The following USP24 variants were observed in gnomAD, a reference collection of about 807,000 sequenced individuals.
USP24 encodes the protein ubiquitin specific peptidase 24, also known as ubiquitin carboxyl-terminal hydrolase 24.
In USP24, 97 loss-of-function variants were observed where a neutral mutation model predicts 361.6. The ratio of observed to expected loss-of-function variants is 0.27; its 90% CI spans 0.23 to 0.32. USP24 has a LOEUF of 0.32. USP24 is among the 10% of genes least tolerant of loss of function. The probability of loss-of-function intolerance (pLI) is 1.00; values close to 1 mark genes in which losing one functional copy is unlikely to be tolerated. For synonymous variants in USP24, 1,098 were observed against 1,124.6 expected (o/e 0.98, Z 0.47); for missense variants, 2,353 against 3,165.6 (o/e 0.74, Z 6.16).
intron 1 of USP24, among the ~76,000 whole-genome samples, chr1:55,188,208 A>G (rs1014494659): frequency 1.3e-5 from 2 of 152,176 alleles, no homozygotes; most frequent in African/African-American, 4.8e-5. Flanking sequence ...GAGACAACTG[A>G]ATATACACAA....
At position 55,067,467 on chromosome 1, in the gene USP24, G is replaced by A. The variant is rs1296740453; in HGVS notation, c.*1578C>T. 1 of 152,260 alleles carries A rather than the reference G, an allele frequency of 6.6e-6. No individual in the cohort carries two copies. The highest frequency in any genetic ancestry group is 2.4e-5 in the African/African-American group (1 of 41,430). The allele number at this position is 152,260 out of a possible 1,614,324, so 9.4% of individuals were successfully genotyped here. On this transcript the variant is annotated 3_prime_UTR_variant, in exon 68 of 68. Coordinates refer to ENST00000294383, the MANE Select transcript of USP24 (RefSeq NM_015306.3). ...CCATCTTCTCAGTGTGTTTGACAAA[G>A]GCCACTGCCAACCTCCAGCAAGTCA...
chr1:55,182,335 G>A (rs558778362), intron 1 of USP24, among the ~76,000 whole-genome samples: 1 of 152,282 alleles, frequency 6.6e-6, no homozygotes, highest in East Asian at 1.9e-4. Flanking sequence ...TTGCAGGCGT[G>A]AGCCATTGCG....
chr1:55,156,844 A>C, intron 12 of USP24, 104 bp downstream of exon 12: 1 of 785,138 alleles, frequency 1.3e-6, no homozygotes, highest in Non-Finnish European at 2.2e-6. Context: ...TGCTCTGTTT[A>C]AAGCAAGATA....
intron 19 of USP24, 82 bp downstream of exon 19, chr1:55,146,847 G>A: frequency 6.5e-7 from 1 of 1,545,088 alleles, no homozygotes; most frequent in Non-Finnish European, 8.8e-7. Flanking sequence ...ACTGAAAAGT[G>A]TTTAGAAGAT....
At position 55,068,987 on chromosome 1, in the gene USP24, A is replaced by G; in HGVS notation, c.*58T>C. On this transcript the variant is annotated 3_prime_UTR_variant, in exon 68 of 68. Transcript: ENST00000294383. ...CAAAGGGTTCGAGATTCTGATTCCA[A>G]GAAGGTGCTGAGCATCCAGTATTGT... is the stretch of plus-strand genomic sequence containing the variant. 1 of 1,577,048 alleles carries G rather than the reference A, an allele frequency of 6.3e-7. No homozygotes were observed. The highest frequency in any genetic ancestry group is 8.7e-7 in the Non-Finnish European group (1 of 1,147,164).
intron 1 of USP24, among the ~76,000 whole-genome samples, chr1:55,198,740 C>A (rs1373874920): frequency 1.3e-5 from 2 of 152,122 alleles, no homozygotes; most frequent in Non-Finnish European, 2.9e-5. Flanking sequence ...TCTTCTGGCT[C>A]TAAAAATGCT....
intron 10 of USP24, among the ~76,000 whole-genome samples, chr1:55,157,948 C>T (rs1238944068): frequency 2.6e-5 from 4 of 152,102 alleles, no homozygotes; most frequent in African/African-American, 7.2e-5. Context: ...GCACTCCCTC[C>T]AAATTTTATA....
At chr1:55,183,755 T>C (rs115430123) in intron 1 of USP24, among the ~76,000 whole-genome samples, 2,070 of 152,262 alleles carry the variant, frequency 0.014, 35 homozygotes, top group Non-Finnish European at 0.021. Context: ...ATATGCTGTC[T>C]ACATCAAACA....
In USP24 at chr1:55,134,157, A is replaced by T. The variant is rs773511275; in HGVS notation, c.3294T>A (p.Thr1098=). 3 of 1,613,512 alleles carry T rather than the reference A, an allele frequency of 1.9e-6. No individual in the cohort carries two copies. The highest frequency in any genetic ancestry group is 2.5e-6 in the Non-Finnish European group (3 of 1,179,708). Residue 1098 remains threonine, a synonymous_variant, in exon 30 of 68, where the codon ACT becomes ACA. Coordinates refer to ENST00000294383, the MANE Select transcript of USP24 (RefSeq NM_015306.3). ...AGAGCAGAAGCTTCCGTACTCGTAG[A>T]GTTATCCTGAAGTTTTTCAAATACA... ...QLANLEEPRI[T]LRVRKLLLLI... is the part of the protein sequence containing the mutation.
chr1:55,196,018 T>C (rs1461748644), intron 1 of USP24, among the ~76,000 whole-genome samples: 1 of 152,154 alleles, frequency 6.6e-6, no homozygotes, highest in Non-Finnish European at 1.5e-5. Flanking sequence ...CCAAATGAAA[T>C]AATACTTAAG....
chr1:55,176,275 C>A (rs1024389445), intron 3 of USP24, 101 bp downstream of exon 3: 1 of 974,786 alleles, frequency 1.0e-6, no homozygotes, highest in Non-Finnish European at 1.5e-6. Flanking sequence ...ATAAACTGGT[C>A]TTATACATAA....
In USP24 at chr1:55,150,891, G is replaced by A. The variant is rs187657604; in HGVS notation, c.1861-2321C>T. On this transcript the variant is annotated intron_variant, in intron 16 of 67. Transcript: ENST00000294383. ...ATGTCACAGAGTGGAGATTTCATAA[G>A]TAGGACCTGATGGGATGTCTAAATT... is the stretch of plus-strand genomic sequence containing the variant. Among the ~76,000 whole-genome samples, 6 of 152,288 alleles carry A rather than the reference G, an allele frequency of 3.9e-5. No individual in the cohort carries two copies. The East Asian group carries it at 1.2e-3, about 29-fold the overall frequency.
chr1:55,120,850 G>T, intron 37 of USP24, 94 bp from the exon 38 acceptor site: 1 of 1,385,798 alleles, frequency 7.2e-7, no homozygotes, highest in Non-Finnish European at 9.5e-7. Flanking sequence ...AGCCTATTTA[G>T]TCAATCAAGT....
Position 55,071,245 on chromosome 1 carries a change from C to T in USP24, c.7800+569G>A, listed in dbSNP as rs184697472. On this transcript the variant is annotated intron_variant, in intron 67 of 67. Transcript: ENST00000294383. ...GGAAAGTTACAGACTATTGGAAAGACGTAATGATTAACTGACACTTAGTTC... is the reference window on the plus strand; with the variant it reads ...GGAAAGTTACAGACTATTGGAAAGATGTAATGATTAACTGACACTTAGTTC... 346 of 987,816 alleles carry T rather than the reference C, an allele frequency of 3.5e-4. No individual in the cohort carries two copies. The African/African-American group carries it at 5.3e-3, about 15-fold the overall frequency. The allele number at this position is 987,816 out of a possible 1,614,324, so 61.2% of individuals were successfully genotyped here. A position where few individuals can be genotyped will look rare whatever the true frequency, so the allele number is the denominator to read the frequency against.
At chr1:55,080,213 C>T (rs941611284) in intron 59 of USP24, among the ~76,000 whole-genome samples, 14 of 152,102 alleles carry the variant, frequency 9.2e-5, no homozygotes, top group South Asian at 2.1e-4. Context: ...CTTTAATTTT[C>T]GTTACAAAAT....
chr1:55,086,135 G>GT (rs761875047), intron 55 of USP24, 97 bp from the exon 56 acceptor site: 341 of 1,182,266 alleles, frequency 2.9e-4, no homozygotes, highest in Non-Finnish European at 3.9e-4. Flanking sequence ...AGAAACAAAA[G>GT]TAGAGTCTCC....
intron 30 of USP24, among the ~76,000 whole-genome samples, chr1:55,133,526 A>T (rs1034996282): frequency 2.6e-5 from 4 of 152,200 alleles, no homozygotes; most frequent in Non-Finnish European, 5.9e-5. Flanking sequence ...AGATGGTACT[A>T]AAGGCTCTTC....
intron 1 of USP24, among the ~76,000 whole-genome samples, chr1:55,189,926 G>C (rs1471905778): frequency 6.6e-6 from 1 of 151,924 alleles, no homozygotes; most frequent in East Asian, 1.9e-4. Flanking sequence ...CCAGCACTTT[G>C]GGAGGCTGAG....
At chr1:55,092,632 T>C (rs769804874) in intron 53 of USP24, among the ~76,000 whole-genome samples, 189 bp downstream of exon 53, 4 of 152,234 alleles carry the variant, frequency 2.6e-5, no homozygotes, top group Non-Finnish European at 4.4e-5. Context: ...CCCCACCATC[T>C]ACATTATACA....
Sources: allele counts gnomAD v4.1 joint callset (sites outside exome capture counted in the v4.1 genomes callset), GRCh38; gene constraint gnomAD v4.1.1; transcripts MANE v1.5; gene names NCBI Gene and HGNC (gene_info 2026-07-23, HGNC 2026-07-21).